The following TMEM131L variants were observed in gnomAD, a reference collection of about 807,000 sequenced individuals.
TMEM131L encodes transmembrane 131 like.
A neutral mutation model predicts 192.2 loss-of-function variants in TMEM131L; 54 were observed. The observed-to-expected ratio is 0.28, with a 90% CI of 0.23 to 0.35. The LOEUF is 0.35. Among genes scored for constraint, TMEM131L ranks in the 10% least tolerant of loss-of-function variants. The pLI, the probability that TMEM131L is intolerant of heterozygous loss-of-function variation, is 1.00. For synonymous variants in TMEM131L, 701 were observed against 704.9 expected (o/e 0.99, Z 0.09); for missense variants, 1,888 against 1,972.9 (o/e 0.96, Z 0.82).
At chr4:153,545,844 T>C (rs1407682740) in intron 3 of TMEM131L, among the ~76,000 whole-genome samples, 1 of 152,166 alleles carries the variant, frequency 6.6e-6, no homozygotes, top group Non-Finnish European at 1.5e-5. Context: ...GCTCAGACAC[T>C]GCAGATGGCT....
In TMEM131L at chr4:153,636,515, C is replaced by T; in HGVS notation, c.4772C>T (p.Thr1591Ile). ...AYMNLDIWTT[T>I]ANRNANFPLS... ...ATGAACCTGGACATATGGACTACCA[C>T]AGCGAATAGGAATGCAAATTTCCCA... The change falls in exon 35 of 35, where the codon ACA becomes ATA. Residue 1591 changes from threonine (T) to isoleucine (I), a missense_variant. Coordinates refer to ENST00000409959, the MANE Select transcript of TMEM131L (RefSeq NM_001131007.2). 1 of 1,614,184 alleles carries T rather than the reference C, an allele frequency of 6.2e-7. No homozygotes were observed. Among genetic ancestry groups the T allele is most frequent in the Non-Finnish European group, 8.5e-7 (1 of 1,180,018 alleles).
intron 3 of TMEM131L, among the ~76,000 whole-genome samples, chr4:153,514,110 G>T (rs1347791236): frequency 6.6e-6 from 1 of 152,090 alleles, no homozygotes; most frequent in Non-Finnish European, 1.5e-5. Context: ...CATAAACCTT[G>T]GTTTGAATTC....
At chr4:153,554,302 T>C (rs1037859650) in intron 4 of TMEM131L, 9 of 152,226 alleles carry the variant, frequency 5.9e-5, no homozygotes, top group Admixed American at 5.9e-4. Context: ...ATGGTATTAC[T>C]TAAGAACACT....
intron 3 of TMEM131L, among the ~76,000 whole-genome samples, chr4:153,513,820 T>C (rs952859194): frequency 1.3e-5 from 2 of 152,220 alleles, no homozygotes; most frequent in Non-Finnish European, 2.9e-5. Context: ...TATGACCCTC[T>C]CTATGTCATT....
chr4:153,480,066 G>A (rs1407009425), intron 3 of TMEM131L, among the ~76,000 whole-genome samples: 1 of 152,180 alleles, frequency 6.6e-6, no homozygotes, highest in Non-Finnish European at 1.5e-5. Flanking sequence ...TAGGCTGGGC[G>A]CGGTGGCTCA....
intron 3 of TMEM131L, among the ~76,000 whole-genome samples, chr4:153,507,250 G>T (rs939983758): frequency 6.6e-6 from 1 of 152,158 alleles, no homozygotes; most frequent in Non-Finnish European, 1.5e-5. Context: ...ATCAGTCTCT[G>T]GATGTGAACT....
intron 7 of TMEM131L, among the ~76,000 whole-genome samples, chr4:153,574,434 A>AT (rs1729798758): frequency 6.6e-6 from 1 of 152,058 alleles, no homozygotes; most frequent in Non-Finnish European, 1.5e-5. Context: ...CTAAATTAGG[A>AT]GTGTGGTTAT....
intron 3 of TMEM131L, among the ~76,000 whole-genome samples, chr4:153,519,079 T>A (rs1419200048): frequency 1.3e-5 from 2 of 152,144 alleles, no homozygotes; most frequent in African/African-American, 4.8e-5. Flanking sequence ...ATTCCACATG[T>A]AAAGGATTTG....
At chr4:153,621,930 A>G in intron 28 of TMEM131L, 81 bp downstream of exon 28, 1 of 1,341,832 alleles carries the variant, frequency 7.5e-7, no homozygotes, top group Admixed American at 2.0e-5. Context: ...AAGAGAAATG[A>G]CACCTCAGTG....
At chr4:153,578,595 A>C (rs1466331093) in intron 7 of TMEM131L, among the ~76,000 whole-genome samples, 7 of 148,728 alleles carry the variant, frequency 4.7e-5, no homozygotes, top group Non-Finnish European at 1.0e-4. Flanking sequence ...ATCTCGGCAC[A>C]CTGCAAGCTC....
chr4:153,509,164 G>T (rs572876762), intron 3 of TMEM131L, among the ~76,000 whole-genome samples: 1 of 151,304 alleles, frequency 6.6e-6, no homozygotes, highest in East Asian at 1.9e-4. Flanking sequence ...GGGCAACATG[G>T]TGAAACCCTG....
At chr4:153,499,715 G>T (rs986418414) in intron 3 of TMEM131L, among the ~76,000 whole-genome samples, 3 of 152,150 alleles carry the variant, frequency 2.0e-5, no homozygotes, top group African/African-American at 7.2e-5. Flanking sequence ...GTGAACCGCC[G>T]TGCCCAGCCC....
chr4:153,497,835 A>G (rs1733287037), intron 3 of TMEM131L, among the ~76,000 whole-genome samples: 1 of 149,722 alleles, frequency 6.7e-6, no homozygotes, highest in African/African-American at 2.5e-5. Context: ...CATGTATCTC[A>G]CAATGCAGAA....
In TMEM131L at chr4:153,466,370, A is replaced by G. The variant is rs1251871799; in HGVS notation, c.-28A>G. The G allele has an allele frequency of 1.6e-6, 2 of 1,253,050 alleles. No homozygotes were observed. The highest frequency in any genetic ancestry group is 2.6e-5 in the South Asian group (1 of 37,814). The allele number at this position is 1,253,050 out of a possible 1,614,324, so 77.6% of individuals were successfully genotyped here. On this transcript the variant is annotated 5_prime_UTR_variant, in exon 1 of 35. Transcript: ENST00000409959. ...CAGCGAGCTAGCGGCGAGCGCGGCGAGCAACGGAGAGGAGCGCGAGCAGCA... is the reference window on the plus strand; with the variant it reads ...CAGCGAGCTAGCGGCGAGCGCGGCGGGCAACGGAGAGGAGCGCGAGCAGCA...
chr4:153,484,387 T>C (rs1040645801), intron 3 of TMEM131L, among the ~76,000 whole-genome samples: 2 of 152,196 alleles, frequency 1.3e-5, no homozygotes, highest in African/African-American at 2.4e-5. Context: ...TGTTTGCTTA[T>C]TGTAGTCTTT....
rs1022778287 is a variant in TMEM131L at position 153,622,951 on chromosome 4, T to G, written c.3913T>G (p.Ser1305Ala). The change falls in exon 29 of 35, where the codon TCC (serine) becomes GCC (alanine). Residue 1305 changes from serine (S) to alanine (A), a missense_variant. Transcript: ENST00000409959. ...KKCVDKFCSDSSSDCGSSSGS... is the reference protein window; with the variant it reads ...KKCVDKFCSDASSDCGSSSGS... ...ATGTGTGGACAAGTTCTGCTCCGAT[T>G]CCAGCTCTGACTGTGGGAGCTCCTC... is the stretch of plus-strand genomic sequence containing the variant. The G allele has an allele frequency of 1.2e-6, 2 of 1,614,244 alleles. No individual in the cohort carries two copies. Among genetic ancestry groups the G allele is most frequent in the Non-Finnish European group, 1.7e-6 (2 of 1,180,036 alleles).
chr4:153,539,886 G>A (rs956446573), intron 3 of TMEM131L, among the ~76,000 whole-genome samples: 3 of 151,812 alleles, frequency 2.0e-5, no homozygotes, highest in East Asian at 1.9e-4. Flanking sequence ...CGAGGCAGGC[G>A]GATCCCCTGA....
intron 3 of TMEM131L, among the ~76,000 whole-genome samples, chr4:153,493,064 G>A (rs1732898516): frequency 1.3e-5 from 2 of 152,100 alleles, no homozygotes. Flanking sequence ...GATATGCTTG[G>A]GACTGGGTGC....
intron 29 of TMEM131L, among the ~76,000 whole-genome samples, chr4:153,625,148 A>T (rs181786140): frequency 2.6e-4 from 39 of 152,326 alleles, no homozygotes; most frequent in Non-Finnish European, 4.3e-4. Flanking sequence ...GCAGTGGCTC[A>T]CACCTGCAAT....
Sources: allele counts gnomAD v4.1 joint callset (sites outside exome capture counted in the v4.1 genomes callset), GRCh38; gene constraint gnomAD v4.1.1; transcripts MANE v1.5; gene names NCBI Gene and HGNC (gene_info 2026-07-23, HGNC 2026-07-21).